The following KMO variants were observed in gnomAD, a reference collection of about 807,000 sequenced individuals.
KMO encodes the protein kynurenine 3-hydroxylase.
Under a neutral mutation model 57.8 loss-of-function variants are expected in KMO, and 24 were observed. The observed-to-expected ratio is 0.42, with a 90% confidence interval of 0.30 to 0.58. The LOEUF (loss-of-function observed/expected upper bound fraction) is 0.58, where lower values mean the gene tolerates loss of function less well. Among genes scored for constraint, KMO ranks in the 20% least tolerant of loss-of-function variants. The pLI, the probability that KMO is intolerant of heterozygous loss-of-function variation, is 0.22. For missense variants in KMO, 483 were observed against 588.2 expected (o/e 0.82, Z 1.85); for synonymous variants, 210 against 193.6 (o/e 1.08, Z -0.70).
At chr1:241,560,377 G>A (rs1035242797) in intron 5 of KMO, among the ~76,000 whole-genome samples, 11 of 152,210 alleles carry the variant, frequency 7.2e-5, no homozygotes, top group Non-Finnish European at 1.5e-4. Context: ...TTCTTTCCCA[G>A]GGTGCTAATA....
intron 7 of KMO, among the ~76,000 whole-genome samples, chr1:241,563,803 T>C (rs6686592): frequency 0.85 from 129,151 of 152,174 alleles, 55,589 homozygotes; most frequent in Non-Finnish European, 0.93. Flanking sequence ...TTTGACATGG[T>C]CCAAAAACAA....
At chr1:241,563,134 A>C (rs1023661000) in intron 7 of KMO, among the ~76,000 whole-genome samples, 1 of 152,224 alleles carries the variant, frequency 6.6e-6, no homozygotes, top group African/African-American at 2.4e-5. Flanking sequence ...AAATAAAATG[A>C]CTAGAAAATT....
chr1:241,560,855 A>T lies in KMO; in HGVS notation c.449+103A>T. 3.8e-6 allele frequency: 3 copies of T among 780,196 alleles called. No homozygotes were observed. The South Asian group carries it at 4.5e-5, about 12-fold the overall frequency. 48.3% of individuals were successfully genotyped at this position (780,196 alleles called of 1,614,324 possible). Reference sequence around the variant, plus strand: ...GCTCTTTTGAAAGAGTTAAAAGATTATTGAAAGGATCATCCAAATAGTTTC... The same window carrying T: ...GCTCTTTTGAAAGAGTTAAAAGATTTTTGAAAGGATCATCCAAATAGTTTC... On this transcript the variant is annotated intron_variant, in intron 6 of 14. Coordinates refer to ENST00000366559, the MANE Select transcript of KMO (RefSeq NM_003679.5).
Position 241,590,091 on chromosome 1 carries a change from C to G in KMO, c.1178C>G (p.Thr393Ser). The G allele has an allele frequency of 6.2e-7, 1 of 1,613,662 alleles. No homozygotes were observed. The highest frequency in any genetic ancestry group is 8.5e-7 in the Non-Finnish European group (1 of 1,179,608). ...ERFLHAIMPS[T>S]FIPLYTMVTF... ...TTTCTTCATGCGATTATGCCATCGA[C>G]CTTTATCCCTCTCTATACAATGGTA... The change falls in exon 13 of 15, where the codon ACC becomes AGC. Residue 393 changes from threonine to serine, a missense_variant. By Grantham distance (58) the Thr-to-Ser change is moderately conservative (BLOSUM62 1). This residue lies in a region of KMO where 410 missense variants were observed against 492.3 expected (regional missense o/e 0.83). Coordinates refer to ENST00000366559, the MANE Select transcript of KMO (RefSeq NM_003679.5).
intron 10 of KMO, among the ~76,000 whole-genome samples, chr1:241,576,775 G>A (rs12402512): frequency 0.28 from 42,535 of 151,950 alleles, 6,464 homozygotes; most frequent in East Asian, 0.39. Flanking sequence ...TGAGCTTCTT[G>A]TATTTGCATA....
intron 1 of KMO, among the ~76,000 whole-genome samples, chr1:241,544,209 A>C (rs1455474686): frequency 6.6e-6 from 1 of 152,184 alleles, no homozygotes; most frequent in Non-Finnish European, 1.5e-5. Flanking sequence ...TTGTGGCTTT[A>C]GTGTCCTACT....
chr1:241,536,390 C>A, intron 1 of KMO: 1 of 352,876 alleles, frequency 2.8e-6, no homozygotes, highest in Non-Finnish European at 4.0e-6. Context: ...CTAAGCTAAA[C>A]AAGTGTCCTT....
chr1:241,543,267 A>G (rs12032871), intron 1 of KMO, among the ~76,000 whole-genome samples: 3,235 of 152,264 alleles, frequency 0.021, 100 homozygotes, highest in East Asian at 0.063. Flanking sequence ...GCCTCTTTAT[A>G]TATAGTTTTA....
At chr1:241,570,534 G>A (rs890909410) in intron 10 of KMO, among the ~76,000 whole-genome samples, 3 of 152,036 alleles carry the variant, frequency 2.0e-5, no homozygotes, top group African/African-American at 7.2e-5. Flanking sequence ...TGAAGAGACT[G>A]TCTTTTCCCC....
At chr1:241,562,431 C>A in intron 7 of KMO, 99 bp downstream of exon 7, 1 of 1,158,318 alleles carries the variant, frequency 8.6e-7, no homozygotes, top group Non-Finnish European at 1.2e-6. Context: ...TGTCTTGATC[C>A]ATTTTGAGGC....
chr1:241,555,426 A>G (rs190350347), intron 4 of KMO, among the ~76,000 whole-genome samples, 186 bp from the exon 5 acceptor site: 14 of 152,354 alleles, frequency 9.2e-5, no homozygotes, highest in Non-Finnish European at 1.5e-5. Flanking sequence ...ATATTGTATT[A>G]TATGTGTTTG....
At chr1:241,568,746 A>C in intron 10 of KMO, 99 bp downstream of exon 10, 1 of 1,108,846 alleles carries the variant, frequency 9.0e-7, no homozygotes, top group Non-Finnish European at 1.3e-6. Flanking sequence ...ATCCCCACAT[A>C]ATCCCTGAAA....
At chr1:241,576,483 C>A (rs1662523312) in intron 10 of KMO, among the ~76,000 whole-genome samples, 1 of 152,062 alleles carries the variant, frequency 6.6e-6, no homozygotes, top group African/African-American at 2.4e-5. Flanking sequence ...CAGCATTTGT[C>A]TGAAAATGCC....
chr1:241,552,245 G>C (rs1359548781), intron 4 of KMO, among the ~76,000 whole-genome samples: 1 of 151,970 alleles, frequency 6.6e-6, no homozygotes, highest in Non-Finnish European at 1.5e-5. Context: ...GTTGGTGTGA[G>C]TTCCCTTTTT....
chr1:241,554,372 C>A (rs1661529867), intron 4 of KMO, among the ~76,000 whole-genome samples: 1 of 151,734 alleles, frequency 6.6e-6, no homozygotes, highest in Non-Finnish European at 1.5e-5. Context: ...GCAACTTAGG[C>A]CTCTCGGGTT....
At chr1:241,536,518 C>G (rs1222637084) in intron 1 of KMO, 1 of 985,574 alleles carries the variant, frequency 1.0e-6, no homozygotes, top group Non-Finnish European at 1.2e-6. Context: ...TCAGTGACAG[C>G]TAAAGCTACT....
chr1:241,541,566 T>C (rs922409040), intron 1 of KMO, among the ~76,000 whole-genome samples: 1 of 152,164 alleles, frequency 6.6e-6, no homozygotes, highest in Admixed American at 6.6e-5. Flanking sequence ...CACTCAGGAA[T>C]GTGCATCATT....
At position 241,568,613 on chromosome 1, in the gene KMO, CTATAG is replaced by C. The variant is rs1411623868; in HGVS notation, c.925_929del (p.Ile309AlafsTer12). The C allele has an allele frequency of 6.2e-7, 1 of 1,613,858 alleles. No homozygotes were observed. Among genetic ancestry groups the C allele is most frequent in the East Asian group, 2.2e-5 (1 of 44,834 alleles). ...GTACTGCTGGGAGATGCAGCTCATG[CTATAG>C]TGCCGTTTTTTGGGCAAGGAATGAA... is the stretch of plus-strand genomic sequence containing the variant. On this transcript the variant is annotated frameshift_variant, in exon 10 of 15. Transcript: ENST00000366559. LOFTEE classifies it high-confidence loss of function.
rs1290929255 is a variant in KMO at position 241,550,989 on chromosome 1, T to C, written c.257T>C (p.Met86Thr). The change falls in exon 4 of 15, where the codon ATG (methionine) becomes ACG (threonine). Residue 86 changes from methionine to threonine, a missense_variant. Physicochemically the swap from Met to Thr is moderately conservative, Grantham distance 81. This residue lies in a region of KMO where 410 missense variants were observed against 492.3 expected (regional missense o/e 0.83). Transcript: ENST00000366559. ...VSQGIPMRAR[M>T]IHSLSGKKSA... The stretch of plus-strand genomic sequence containing the variant: ...CAAGGTATTCCCATGAGAGCAAGAA[T>C]GATCCACTCTCTTTCAGGAAAAAAG... 2 of 1,561,372 alleles carry C rather than the reference T, an allele frequency of 1.3e-6. No individual in the cohort carries two copies. The highest frequency in any genetic ancestry group is 1.7e-6 in the Non-Finnish European group (2 of 1,158,268).
Sources: gnomAD v4.1 joint callset for allele counts (sites outside exome capture counted in the v4.1 genomes callset) on GRCh38, gnomAD v4.1.1 for gene constraint, gnomAD v4.1.1 regional missense constraint, MANE v1.5 for transcripts, NCBI Gene and HGNC (gene_info 2026-07-23, HGNC 2026-07-21) for gene names.